Variants in GSAP observed in about 807,000 individuals in gnomAD.
The protein encoded by GSAP is gamma-secretase-activating protein.
GSAP carries 118 observed loss-of-function variants against 131.7 expected under a neutral mutation model. That is an observed-to-expected ratio of 0.90 (90% CI 0.77 to 1.04). The LOEUF is 1.04. Among genes scored for constraint, GSAP ranks in the 50% least tolerant of loss-of-function variants. GSAP has a pLI of 0.00. For missense variants in GSAP, 1,019 were observed against 1,013.2 expected (o/e 1.01, Z -0.08); for synonymous variants, 381 against 363.4 (o/e 1.05, Z -0.55).
Position 77,362,612 on chromosome 7 carries a change from AT to A in GSAP, c.919del (p.Ile307SerfsTer27), listed in dbSNP as rs1423309342. 5 of 1,582,396 alleles carry A rather than the reference AT, an allele frequency of 3.2e-6. No homozygotes were observed. Among genetic ancestry groups the A allele is most frequent in the Non-Finnish European group, 4.3e-6 (5 of 1,151,916 alleles). ...YSPKCASWGQ[I>X]TYSVFYIHKG... is the part of the protein sequence containing the mutation. ...ATGAATGTAAAACACTGAATATGTG[AT>A]TTGTCCCCAAGAGGCACACTTCGGG... On this transcript the variant is annotated frameshift_variant, in exon 13 of 31. Transcript: ENST00000257626. LOFTEE classifies it high-confidence loss of function.
At chr7:77,323,830 T>A in intron 23 of GSAP, 88 bp from the exon 24 acceptor site, 1 of 562,480 alleles carries the variant, frequency 1.8e-6, no homozygotes, top group African/African-American at 2.0e-5. Flanking sequence ...TTAACATTCT[T>A]CATCAATATA....
At chr7:77,311,519 G>A in intron 30 of GSAP, 70 bp from the exon 31 acceptor site, 2 of 745,504 alleles carry the variant, frequency 2.7e-6, no homozygotes, top group Admixed American at 4.6e-5. Flanking sequence ...ATAACTTTGT[G>A]CTCACAGCTC....
At chr7:77,390,863 C>G (rs1465005194) in intron 5 of GSAP, among the ~76,000 whole-genome samples, 1 of 145,300 alleles carries the variant, frequency 6.9e-6, no homozygotes, top group Non-Finnish European at 1.5e-5. Flanking sequence ...GCAGGAGACT[C>G]GCTTGAAACC....
intron 19 of GSAP, 78 bp downstream of exon 19, chr7:77,349,273 T>G: frequency 8.3e-7 from 1 of 1,198,114 alleles, no homozygotes; most frequent in South Asian, 1.2e-5. Context: ...GCAATCCCTT[T>G]TGGAACCACC....
chr7:77,370,799 A>G (rs546994784), intron 12 of GSAP, among the ~76,000 whole-genome samples: 7 of 152,114 alleles, frequency 4.6e-5, no homozygotes, highest in Non-Finnish European at 8.8e-5. Context: ...CAACACAAAC[A>G]GCTCATAGTA....
chr7:77,364,262 G>A (rs187370429), intron 12 of GSAP, among the ~76,000 whole-genome samples: 91 of 152,100 alleles, frequency 6.0e-4, no homozygotes, highest in African/African-American at 2.2e-3. Flanking sequence ...TGTTCACCCA[G>A]TAATTCTTTT....
chr7:77,338,629 C>T (rs972611972), intron 19 of GSAP, among the ~76,000 whole-genome samples: 1 of 152,114 alleles, frequency 6.6e-6, no homozygotes, highest in African/African-American at 2.4e-5. Flanking sequence ...TCGCTGTAAC[C>T]TCATGTGGCG....
In GSAP at chr7:77,416,252, C is replaced by G; in HGVS notation, c.70G>C (p.Ala24Pro). The G allele has an allele frequency of 6.7e-7, 1 of 1,493,962 alleles. No individual in the cohort carries two copies. Among genetic ancestry groups the G allele is most frequent in the African/African-American group, 1.5e-5 (1 of 68,500 alleles). 92.5% of individuals were successfully genotyped at this position (1,493,962 alleles called of 1,614,324 possible). The change falls in exon 1 of 31, where the codon GCA becomes CCA. Residue 24 changes from alanine to proline, a missense_variant. By Grantham distance (27) the Ala-to-Pro change is conservative. Transcript: ENST00000257626. ...CCGGCCCCGCTGGCCTCCGACACTG[C>G]CCGCTGCGCCCGCAACCACGGGAGC... Reference protein sequence around the residue: ...DVLPWLRAQRAVSEASGAGSG... With the variant: ...DVLPWLRAQRPVSEASGAGSG...
intron 10 of GSAP, among the ~76,000 whole-genome samples, chr7:77,375,859 C>A (rs149417491): frequency 6.2e-4 from 85 of 136,388 alleles, no homozygotes; most frequent in African/African-American, 2.2e-3. Context: ...AAAAAAAAAA[C>A]AAACAAAAAA....
At chr7:77,400,944 T>C (rs911516839) in intron 3 of GSAP, among the ~76,000 whole-genome samples, 6 of 151,822 alleles carry the variant, frequency 4.0e-5, no homozygotes, top group Non-Finnish European at 5.9e-5. Flanking sequence ...CAATTTTTTT[T>C]TTTTTTTTTT....
At chr7:77,311,568 T>TA (rs1334574740) in intron 30 of GSAP, 119 bp from the exon 31 acceptor site, 3 of 614,514 alleles carry the variant, frequency 4.9e-6, no homozygotes, top group Non-Finnish European at 5.7e-6. Context: ...ATGAATTTTT[T>TA]AAGAATGTGT....
In GSAP at chr7:77,390,946, T is replaced by TAAAAAAAAAAA. The variant is rs71085453; in HGVS notation, c.368-3509_368-3499dup. Among the ~76,000 whole-genome samples, 17 of 37,940 alleles carry TAAAAAAAAAAA rather than the reference T, an allele frequency of 4.5e-4. 3 individuals carry two copies. Among genetic ancestry groups the TAAAAAAAAAAA allele is most frequent in the African/African-American group, 1.5e-3 (15 of 10,292 alleles). 24.9% of individuals were successfully genotyped at this position (37,940 alleles called of 152,430 possible). ...CCTGGTGACAGAGCGAGACTCCGTC[T>TAAAAAAAAAAA]AAAAAAAAAAAAAAAAAAAAAAAAA... On this transcript the variant is annotated intron_variant, in intron 5 of 30. Transcript: ENST00000257626.
intron 8 of GSAP, chr7:77,379,839 T>A: frequency 2.0e-6 from 2 of 983,700 alleles, no homozygotes; most frequent in Non-Finnish European, 2.4e-6. Flanking sequence ...AGAGCTCCAG[T>A]GACATACTTT....
At chr7:77,413,764 A>G (rs1250665712) in intron 1 of GSAP, among the ~76,000 whole-genome samples, 5 of 152,232 alleles carry the variant, frequency 3.3e-5, no homozygotes, top group Non-Finnish European at 7.3e-5. Context: ...AGAGAAAGAA[A>G]TAGAATCAGA....
chr7:77,410,658 C>G (rs1382257967), intron 1 of GSAP, among the ~76,000 whole-genome samples: 1 of 152,196 alleles, frequency 6.6e-6, no homozygotes, highest in African/African-American at 2.4e-5. Flanking sequence ...GCCAGATATT[C>G]TCATTCGTTT....
At chr7:77,376,822 GT>G in intron 10 of GSAP, 25 bp downstream of exon 10, 1 of 1,095,808 alleles carries the variant, frequency 9.1e-7, no homozygotes, top group Non-Finnish European at 1.4e-6. Context: ...AAACTTTCCT[GT>G]AGTGTGATCA....
intron 19 of GSAP, among the ~76,000 whole-genome samples, chr7:77,336,718 C>T (rs1026300379): frequency 6.6e-6 from 1 of 152,168 alleles, no homozygotes; most frequent in South Asian, 2.1e-4. Flanking sequence ...GAACTCCTGA[C>T]CTCAGGTGAT....
intron 19 of GSAP, among the ~76,000 whole-genome samples, chr7:77,348,006 G>GA (rs1792171496): frequency 6.8e-6 from 1 of 147,622 alleles, no homozygotes; most frequent in Admixed American, 6.7e-5. Flanking sequence ...AAAAAAATAA[G>GA]AAAAAATAAG....
At position 77,414,844 on chromosome 7, in the gene GSAP, C is replaced by CTTTTTTTTTTTTTTTT. The variant is rs57095326; in HGVS notation, c.109+1353_109+1368dup. 4.5e-4 allele frequency among the ~76,000 whole-genome samples: 27 copies of CTTTTTTTTTTTTTTTT among 59,874 alleles called. 5 individuals are homozygous for CTTTTTTTTTTTTTTTT. Among genetic ancestry groups the CTTTTTTTTTTTTTTTT allele is most frequent in the African/African-American group, 1.3e-3 (17 of 13,528 alleles). The allele number at this position is 59,874 out of a possible 152,430, so 39.3% of individuals were successfully genotyped here. A position where few individuals can be genotyped will look rare whatever the true frequency, so the allele number is the denominator to read the frequency against. On this transcript the variant is annotated intron_variant, in intron 1 of 30. Transcript: ENST00000257626. ...AAAAACTTTTCAGACATGTGGGCGA[C>CTTTTTTTTTTTTTTTT]TTTTTTTTTTTTTTTTTTTTTTTTT...
Sources: allele counts gnomAD v4.1 joint callset (sites outside exome capture counted in the v4.1 genomes callset), GRCh38; gene constraint gnomAD v4.1.1; transcripts MANE v1.5; gene names NCBI Gene and HGNC (gene_info 2026-07-23, HGNC 2026-07-21).